LHPP: variants seen among roughly 807,000 people sequenced by gnomAD.
The protein encoded by LHPP is hLHPP.
In LHPP, 24 loss-of-function variants were observed where a neutral mutation model predicts 30.3. That is an observed-to-expected ratio of 0.79 (90% confidence interval 0.57 to 1.11). The LOEUF (loss-of-function observed/expected upper bound fraction) is 1.11, where lower values mean the gene tolerates loss of function less well. LHPP is among the 50% of genes most tolerant of loss of function. LHPP has a pLI of 0.00. For synonymous variants in LHPP, 150 were observed against 157.1 expected, an observed-to-expected ratio of 0.95 and a Z score of 0.34; for missense variants, 356 against 367.2, an observed-to-expected ratio of 0.97 and a Z score of 0.25.
chr10:124,471,711 GTATATATATTTATGTA>G (rs201801398), intron 1 of LHPP, among the ~76,000 whole-genome samples: 6,845 of 13,552 alleles, frequency 0.51, 1,876 homozygotes, highest in East Asian at 0.68. Flanking sequence ...ATATATATTT[GTATATATATTTATGTA>G]TATATATATT....
intron 1 of LHPP, among the ~76,000 whole-genome samples, chr10:124,472,391 C>T (rs752444534): frequency 6.6e-6 from 1 of 152,198 alleles, no homozygotes; most frequent in African/African-American, 2.4e-5. Context: ...GTGCTGGAAG[C>T]GAGCTTATTA....
rs951520765 is a variant in LHPP, at chr10:124,510,436, C to A, written c.625-6744C>A. ...GGCCCCCAGCCTCCGCCTCCCTCGC[C>A]GACAGCTTCCCGGGGCTCTGCCTGG... On this transcript the variant is annotated intron_variant, in intron 5 of 6. Coordinates refer to ENST00000368842, the MANE Select transcript of LHPP (RefSeq NM_022126.4). This position sits in a 1 kb window ranked among gnomAD's most constrained non-coding sequence, Gnocchi z 4.0. Among the ~76,000 whole-genome samples, 1 of 152,158 alleles carries A rather than the reference C, an allele frequency of 6.6e-6. No homozygotes were observed. The highest frequency in any genetic ancestry group is 6.5e-5 in the Admixed American group (1 of 15,290).
intron 6 of LHPP, among the ~76,000 whole-genome samples, chr10:124,548,990 G>A (rs1347778402): frequency 6.6e-6 from 1 of 152,232 alleles, no homozygotes; most frequent in Non-Finnish European, 1.5e-5. Context: ...ATAAATACAT[G>A]CATGGCAAAA....
In LHPP at chr10:124,496,977, A is replaced by T. The variant is rs1253408284; in HGVS notation, c.484A>T (p.Thr162Ser). The change falls in exon 4 of 7, where the codon ACC (threonine) becomes TCC (serine). Residue 162 changes from threonine to serine, a missense_variant. Thr to Ser is a moderately conservative substitution (Grantham distance 58). Coordinates refer to ENST00000368842, the MANE Select transcript of LHPP (RefSeq NM_022126.4). This position sits in a 1 kb window ranked among gnomAD's most constrained non-coding sequence, Gnocchi z 4.3. ...CTCTCCTAGGCGTTACTACAAGGAG[A>T]CCTCTGGCCTGATGCTGGACGTTGG... The part of the protein sequence containing the change: ...SLGKGRYYKE[T>S]SGLMLDVGPY... The T allele has an allele frequency of 3.7e-6, 6 of 1,613,574 alleles. No individual in the cohort carries two copies. Among genetic ancestry groups the T allele is most frequent in the African/African-American group, 1.3e-5 (1 of 74,840 alleles).
intron 6 of LHPP, among the ~76,000 whole-genome samples, chr10:124,577,057 T>G (rs1241404965): frequency 6.6e-6 from 1 of 152,238 alleles, no homozygotes; most frequent in Non-Finnish European, 1.5e-5. Context: ...ACTCAGTCTT[T>G]CCAGACCCTA....
chr10:124,573,419 C>A (rs996416439), intron 6 of LHPP, among the ~76,000 whole-genome samples: 6 of 152,296 alleles, frequency 3.9e-5, no homozygotes, highest in Middle Eastern at 6.8e-3. Context: ...TCAAGTGATC[C>A]TCCCGCCTCA....
intron 6 of LHPP, among the ~76,000 whole-genome samples, chr10:124,542,339 C>A (rs988304913): frequency 6.6e-6 from 1 of 152,212 alleles, no homozygotes; most frequent in Non-Finnish European, 1.5e-5. Flanking sequence ...GATACCTGCA[C>A]AACAGCCAGA....
At chr10:124,605,104 T>G (rs1417219062) in intron 6 of LHPP, 1 of 152,318 alleles carries the variant, frequency 6.6e-6, no homozygotes, top group African/African-American at 2.4e-5. Flanking sequence ...GGCCACCATT[T>G]TCCTTCGATT....
intron 6 of LHPP, among the ~76,000 whole-genome samples, chr10:124,542,864 C>T (rs11245276): frequency 0.18 from 26,769 of 152,214 alleles, 4,020 homozygotes; most frequent in African/African-American, 0.41. Flanking sequence ...GGTGTCCAGC[C>T]GTCTCCCTGA....
chr10:124,557,770 A>G (rs1034799252), intron 6 of LHPP, among the ~76,000 whole-genome samples: 3 of 152,040 alleles, frequency 2.0e-5, no homozygotes, highest in Non-Finnish European at 2.9e-5. Flanking sequence ...GGTACAGAGC[A>G]CACTGGGGGA....
chr10:124,574,376 A>G (rs1948630291), intron 6 of LHPP, among the ~76,000 whole-genome samples: 2 of 152,226 alleles, frequency 1.3e-5, no homozygotes, highest in African/African-American at 2.4e-5. Flanking sequence ...CAGGGCCCCA[A>G]GAGGGGCCCT....
At chr10:124,607,853 G>A (rs2134018606) in intron 6 of LHPP, among the ~76,000 whole-genome samples, 1 of 152,338 alleles carries the variant, frequency 6.6e-6, no homozygotes, top group Non-Finnish European at 1.5e-5. Context: ...CCGGGCCGCG[G>A]CCTCAGCCCC....
intron 5 of LHPP, among the ~76,000 whole-genome samples, chr10:124,513,445 C>T (rs909998358): frequency 2.4e-5 from 3 of 127,454 alleles, no homozygotes; most frequent in East Asian, 2.2e-4. Context: ...CTTTTTTTTT[C>T]TTTAAAATTA....
rs151244311 is a variant in LHPP, at chr10:124,579,971, A to C, written c.717-33293A>C. 1.8e-4 allele frequency among the ~76,000 whole-genome samples: 27 copies of C among 152,328 alleles called. No homozygotes were observed. The East Asian group carries it at 5.0e-3, about 28-fold the overall frequency. Reference sequence around the variant, plus strand: ...TTTTTAAACTTCTTCTCTTAAGACTATGATGGTATTTTGTTGTAATATAAT... The same window carrying C: ...TTTTTAAACTTCTTCTCTTAAGACTCTGATGGTATTTTGTTGTAATATAAT... On this transcript the variant is annotated intron_variant, in intron 6 of 6. Coordinates refer to ENST00000368842, the MANE Select transcript of LHPP (RefSeq NM_022126.4).
intron 1 of LHPP, among the ~76,000 whole-genome samples, chr10:124,482,163 C>T (rs575834800): frequency 3.5e-4 from 53 of 152,304 alleles, no homozygotes; most frequent in African/African-American, 1.1e-3. Flanking sequence ...GATTTCAAGC[C>T]GTAGTTCTAG....
Position 124,613,612 on chromosome 10 carries a change from G to A in LHPP, c.*252G>A, listed in dbSNP as rs1338313346. ...ACCTGGGTGGCCTGCTCCCCTGCCT[G>A]GGCCCTGACTTCAGCTCCCTGTAGT... On this transcript the variant is annotated 3_prime_UTR_variant, in exon 7 of 7. Coordinates refer to ENST00000368842, the MANE Select transcript of LHPP (RefSeq NM_022126.4). 1 of 561,234 alleles carries A rather than the reference G, an allele frequency of 1.8e-6. No homozygotes were observed. Among genetic ancestry groups the A allele is most frequent in the African/African-American group, 1.9e-5 (1 of 53,100 alleles). 34.8% of individuals were successfully genotyped at this position (561,234 alleles called of 1,614,324 possible). A position where few individuals can be genotyped will look rare whatever the true frequency, so the allele number is the denominator to read the frequency against.
intron 1 of LHPP, among the ~76,000 whole-genome samples, chr10:124,477,403 G>GGTCCC (rs1564773281): frequency 2.0e-5 from 3 of 152,204 alleles, no homozygotes; most frequent in African/African-American, 4.8e-5. Flanking sequence ...CACACCAGGT[G>GGTCCC]ATGTCTGCAA....
chr10:124,564,767 CCTATCT>C (rs1212507783), intron 6 of LHPP, among the ~76,000 whole-genome samples: 1 of 152,114 alleles, frequency 6.6e-6, no homozygotes, highest in Non-Finnish European at 1.5e-5. Flanking sequence ...AGTTTTTCCT[CCTATCT>C]CTAAGTCCAA....
chr10:124,561,745 G>A (rs1398760423), intron 6 of LHPP, among the ~76,000 whole-genome samples: 1 of 151,810 alleles, frequency 6.6e-6, no homozygotes, highest in Admixed American at 6.6e-5. Context: ...GTTGTGTCCA[G>A]AGAAGGCCAC....
Sources: gnomAD v4.1 joint callset for allele counts (sites outside exome capture counted in the v4.1 genomes callset) on GRCh38, gnomAD v4.1.1 for gene constraint, Gnocchi (gnomAD v3.1) non-coding constraint, MANE v1.5 for transcripts, NCBI Gene and HGNC (gene_info 2026-07-23, HGNC 2026-07-21) for gene names.